PEMT: variants seen among roughly 807,000 people sequenced by gnomAD.
PEMT encodes the protein phospholipid methyltransferase.
Under a neutral mutation model 27.4 loss-of-function variants are expected in PEMT, and 23 were observed. That is an observed-to-expected ratio of 0.84 (90% CI 0.60 to 1.19). The LOEUF (loss-of-function observed/expected upper bound fraction) is 1.19. Ranked by LOEUF, PEMT falls within the 50% of genes most tolerant of loss-of-function variation. The probability of loss-of-function intolerance (pLI) is 0.00; values close to 1 mark genes in which losing one functional copy is unlikely to be tolerated. For synonymous variants in PEMT, 137 were observed against 139.1 expected, an observed-to-expected ratio of 0.98 and a Z score of 0.11; for missense variants, 307 against 310.1, an observed-to-expected ratio of 0.99 and a Z score of 0.07.
chr17:17,506,482 AG>A (rs1200564467), intron 5 of PEMT, among the ~76,000 whole-genome samples, 181 bp from the exon 6 acceptor site: 1 of 152,206 alleles, frequency 6.6e-6, no homozygotes, highest in African/African-American at 2.4e-5. Flanking sequence ...TGCCAGGACC[AG>A]GGTCCCCATG....
chr17:17,562,731 C>A lies in PEMT; in HGVS notation c.204+14189G>T, dbSNP rs1910575526. ...GGCTGAGGTGGGAGAATTTCTTGAA[C>A]CTGGGAGGCAGAGCTTGCAGTGAGT... On this transcript the variant is annotated intron_variant, in intron 2 of 6. Transcript: ENST00000255389. Among the ~76,000 whole-genome samples, 7 of 152,280 alleles carry A rather than the reference C, an allele frequency of 4.6e-5. No individual in the cohort carries two copies. In the South Asian group the frequency reaches 1.5e-3, roughly 32 times the overall value.
At chr17:17,526,224 T>G (rs879023799) in intron 2 of PEMT, among the ~76,000 whole-genome samples, 1 of 152,104 alleles carries the variant, frequency 6.6e-6, no homozygotes, top group South Asian at 2.1e-4. Context: ...TTTCTTTTTT[T>G]GCAAATCTCA....
At chr17:17,525,710 C>T (rs1907616227) in intron 2 of PEMT, among the ~76,000 whole-genome samples, 1 of 152,148 alleles carries the variant, frequency 6.6e-6, no homozygotes, top group Non-Finnish European at 1.5e-5. Flanking sequence ...TAAACAACAA[C>T]CTGGCCAGGC....
At chr17:17,524,600 CA>C (rs35917481) in intron 2 of PEMT, among the ~76,000 whole-genome samples, 75,038 of 129,162 alleles carry the variant, frequency 0.58, 20,065 homozygotes, top group Middle Eastern at 0.62. Flanking sequence ...CCTGTCTCTC[CA>C]AAAAAAAAAA....
chr17:17,537,132 G>T (rs1908531940), intron 2 of PEMT, among the ~76,000 whole-genome samples: 1 of 152,206 alleles, frequency 6.6e-6, no homozygotes, highest in South Asian at 2.1e-4. Context: ...CTGTCTGAGG[G>T]TCTCTGAGCC....
chr17:17,514,734 C>G (rs1044031277), intron 3 of PEMT, among the ~76,000 whole-genome samples: 3 of 152,260 alleles, frequency 2.0e-5, no homozygotes, highest in African/African-American at 7.2e-5. Flanking sequence ...CCAGGCACAC[C>G]TTCTCCCCTG....
chr17:17,559,784 C>T (rs1458444807), intron 2 of PEMT, among the ~76,000 whole-genome samples: 2 of 152,250 alleles, frequency 1.3e-5, no homozygotes, highest in Admixed American at 6.5e-5. Flanking sequence ...TGCAGCCCCA[C>T]GCCCTCCCAG....
chr17:17,543,814 C>T (rs1909057627), intron 2 of PEMT, among the ~76,000 whole-genome samples: 1 of 152,192 alleles, frequency 6.6e-6, no homozygotes, highest in Admixed American at 6.5e-5. Context: ...CTGCTTGCCT[C>T]AGCCTCCCAG....
chr17:17,586,338 A>G (rs916382915), intron 1 of PEMT, among the ~76,000 whole-genome samples: 6 of 151,722 alleles, frequency 4.0e-5, no homozygotes, highest in African/African-American at 1.4e-4. Flanking sequence ...TGACCTGAGC[A>G]GCGCCATCCA....
intron 3 of PEMT, among the ~76,000 whole-genome samples, chr17:17,521,563 T>C (rs1907260260): frequency 1.3e-5 from 2 of 151,644 alleles, no homozygotes. Flanking sequence ...AAGCTTTCTT[T>C]TAAAAAAAAA....
intron 2 of PEMT, chr17:17,571,054 A>C: frequency 4.9e-6 from 1 of 204,522 alleles, no homozygotes; most frequent in Non-Finnish European, 8.6e-6. Flanking sequence ...CCACAGACTG[A>C]GACTCAGATG....
intron 2 of PEMT, among the ~76,000 whole-genome samples, chr17:17,543,936 G>C (rs1490563341): frequency 6.6e-6 from 1 of 152,250 alleles, no homozygotes; most frequent in Non-Finnish European, 1.5e-5. Flanking sequence ...ATGACTGTCA[G>C]TGACTTGCCT....
At chr17:17,570,954 T>C in intron 2 of PEMT, 2 of 977,080 alleles carry the variant, frequency 2.0e-6, no homozygotes, top group Non-Finnish European at 2.4e-6. Flanking sequence ...ATTGGGGAGG[T>C]CTTGGCAGGG....
chr17:17,548,825 G>A (rs943218905), intron 2 of PEMT, among the ~76,000 whole-genome samples: 4 of 152,188 alleles, frequency 2.6e-5, no homozygotes, highest in Non-Finnish European at 4.4e-5. Context: ...GATTACAGGC[G>A]TGAGCCGCCG....
chr17:17,525,255 A>T (rs184373266), intron 2 of PEMT, among the ~76,000 whole-genome samples: 41 of 152,352 alleles, frequency 2.7e-4, no homozygotes, highest in African/African-American at 9.6e-4. Context: ...AGCTTTCAGA[A>T]CAATCTAACG....
At chr17:17,535,613 T>C (rs1236330412) in intron 2 of PEMT, among the ~76,000 whole-genome samples, 1 of 152,018 alleles carries the variant, frequency 6.6e-6, no homozygotes, top group Non-Finnish European at 1.5e-5. Flanking sequence ...CATTCTGCAT[T>C]TCATATGCAT....
chr17:17,553,687 C>T (rs1441949974), intron 2 of PEMT, among the ~76,000 whole-genome samples: 3 of 152,242 alleles, frequency 2.0e-5, no homozygotes, highest in Non-Finnish European at 2.9e-5. Context: ...AGGACAGCCA[C>T]GTCCAGCACC....
In PEMT at chr17:17,519,053, T is replaced by A. The variant is rs188280931; in HGVS notation, c.320+3227A>T. The A allele has an allele frequency of 2.0e-5, 3 of 152,294 alleles. No individual in the cohort carries two copies. In the East Asian group the frequency reaches 5.8e-4, roughly 29 times the overall value. The allele number at this position is 152,294 out of a possible 1,614,324, so 9.4% of individuals were successfully genotyped here. A position where few individuals can be genotyped will look rare whatever the true frequency, so the allele number is the denominator to read the frequency against. Reference sequence around the variant, plus strand: ...TCTAGACAGCCACTGAAGCGAGGCATGCATGGGAAAGGGTGTGGGGGTGTG... The same window carrying A: ...TCTAGACAGCCACTGAAGCGAGGCAAGCATGGGAAAGGGTGTGGGGGTGTG... On this transcript the variant is annotated intron_variant, in intron 3 of 6. Transcript: ENST00000255389.
chr17:17,568,870 A>C (rs563807196), intron 2 of PEMT, among the ~76,000 whole-genome samples: 1 of 152,086 alleles, frequency 6.6e-6, no homozygotes, highest in Non-Finnish European at 1.5e-5. Context: ...AGCCAGGAGA[A>C]GCACACCTCA....
Sources: gnomAD v4.1 joint callset for allele counts (sites outside exome capture counted in the v4.1 genomes callset) on GRCh38, gnomAD v4.1.1 for gene constraint, MANE v1.5 for transcripts, NCBI Gene and HGNC (gene_info 2026-07-23, HGNC 2026-07-21) for gene names.